UNC5D: variants seen among roughly 807,000 people sequenced by gnomAD.
The protein encoded by UNC5D is netrin receptor UNC5D.
UNC5D carries 39 observed loss-of-function variants against 105.4 expected under a neutral mutation model. The ratio of observed to expected loss-of-function variants is 0.37; its 90% confidence interval spans 0.29 to 0.48. UNC5D has a LOEUF of 0.48. Among genes scored for constraint, UNC5D ranks in the 20% least tolerant of loss-of-function variants. UNC5D has a pLI of 0.98. For synonymous variants in UNC5D, 452 were observed against 450.4 expected, an observed-to-expected ratio of 1.00 and a Z score of -0.04; for missense variants, 991 against 1,202.4, an observed-to-expected ratio of 0.82 and a Z score of 2.60.
chr8:35,521,316 A>G (rs1813456683), intron 1 of UNC5D, among the ~76,000 whole-genome samples: 1 of 152,172 alleles, frequency 6.6e-6, no homozygotes, highest in Admixed American at 6.6e-5. Flanking sequence ...CTGATACTCT[A>G]TGTAAATGAT....
At chr8:35,487,291 G>A (rs151015068) in intron 1 of UNC5D, among the ~76,000 whole-genome samples, 3 of 151,366 alleles carry the variant, frequency 2.0e-5, no homozygotes, top group African/African-American at 7.3e-5. Context: ...CTGTGAAGGT[G>A]TGGTTTTGGG....
At chr8:35,486,493 G>A (rs1339646151) in intron 1 of UNC5D, among the ~76,000 whole-genome samples, 2 of 152,082 alleles carry the variant, frequency 1.3e-5, no homozygotes, top group African/African-American at 4.8e-5. Flanking sequence ...CACTTAGGAG[G>A]ATTTGAACCT....
intron 3 of UNC5D, among the ~76,000 whole-genome samples, chr8:35,579,663 G>A (rs1285352926): frequency 1.3e-5 from 2 of 152,214 alleles, no homozygotes; most frequent in Non-Finnish European, 2.9e-5. Flanking sequence ...AAGCAACACA[G>A]TACTTGTAGT....
chr8:35,247,276 ATT>A (rs5890801), intron 1 of UNC5D, among the ~76,000 whole-genome samples: 143 of 146,214 alleles, frequency 9.8e-4, no homozygotes, highest in East Asian at 1.6e-3. Context: ...AATTACAGAG[ATT>A]TTTTTTTTTT....
At chr8:35,384,389 G>A (rs1348871747) in intron 1 of UNC5D, among the ~76,000 whole-genome samples, 1 of 152,266 alleles carries the variant, frequency 6.6e-6, no homozygotes, top group East Asian at 1.9e-4. Flanking sequence ...GCACTCACAT[G>A]TATGCATTCT....
At chr8:35,538,395 TTATATATATATA>T (rs10524805) in intron 1 of UNC5D, among the ~76,000 whole-genome samples, 934 of 82,410 alleles carry the variant, frequency 0.011, 14 homozygotes, top group Admixed American at 0.028. Flanking sequence ...AAAAAAATAA[TTATATATATATA>T]TATATATATA....
chr8:35,539,094 A>T (rs1035914164), intron 1 of UNC5D, among the ~76,000 whole-genome samples: 3 of 152,178 alleles, frequency 2.0e-5, no homozygotes, highest in Non-Finnish European at 4.4e-5. Context: ...AATTAGTTTT[A>T]TGAGGAGGTA....
chr8:35,315,546 A>T (rs2128881239), intron 1 of UNC5D, among the ~76,000 whole-genome samples: 1 of 152,284 alleles, frequency 6.6e-6, no homozygotes, highest in East Asian at 1.9e-4. Flanking sequence ...GACACATCTC[A>T]GTTCTCAATC....
intron 4 of UNC5D, among the ~76,000 whole-genome samples, chr8:35,607,574 G>A (rs751153369): frequency 2.6e-5 from 4 of 152,258 alleles, no homozygotes; most frequent in African/African-American, 7.2e-5. Context: ...ATGTGTCAAG[G>A]CAGAGACCAG....
At chr8:35,756,775 C>T (rs1309856244) in intron 13 of UNC5D, among the ~76,000 whole-genome samples, 1 of 152,066 alleles carries the variant, frequency 6.6e-6, no homozygotes, top group African/African-American at 2.4e-5. Flanking sequence ...CCCTTCAATA[C>T]AACGATTGTG....
At chr8:35,514,394 A>T (rs1812979386) in intron 1 of UNC5D, among the ~76,000 whole-genome samples, 1 of 152,200 alleles carries the variant, frequency 6.6e-6, no homozygotes, top group African/African-American at 2.4e-5. Context: ...ATTATCAGGA[A>T]TGCCAAGTGA....
At chr8:35,538,397 A>ATATATATATATATG (rs1654349836) in intron 1 of UNC5D, among the ~76,000 whole-genome samples, 16 of 47,012 alleles carry the variant, frequency 3.4e-4, no homozygotes, top group Admixed American at 6.4e-4. Flanking sequence ...AAAAATAATT[A>ATATATATATATATG]TATATATATA....
At chr8:35,321,134 C>A (rs953338770) in intron 1 of UNC5D, among the ~76,000 whole-genome samples, 4 of 152,110 alleles carry the variant, frequency 2.6e-5, no homozygotes, top group Admixed American at 6.6e-5. Flanking sequence ...GACTTTATAA[C>A]CCTTGGACCA....
chr8:35,730,463 C>T (rs2131571988), intron 10 of UNC5D, among the ~76,000 whole-genome samples: 1 of 152,260 alleles, frequency 6.6e-6, no homozygotes, highest in Admixed American at 6.5e-5. Flanking sequence ...CTCCTAAGTA[C>T]ATCAGATGCT....
chr8:35,386,800 T>C (rs1803426514), intron 1 of UNC5D, among the ~76,000 whole-genome samples: 1 of 152,204 alleles, frequency 6.6e-6, no homozygotes, highest in South Asian at 2.1e-4. Flanking sequence ...AAGGGACAAT[T>C]TGAGCTTACC....
At chr8:35,512,366 T>G (rs982110718) in intron 1 of UNC5D, among the ~76,000 whole-genome samples, 4 of 148,026 alleles carry the variant, frequency 2.7e-5, no homozygotes, top group African/African-American at 1.0e-4. Context: ...TACAAGACAT[T>G]ATAAAATTAG....
rs536060943 is a variant in UNC5D at position 35,638,757 on chromosome 8, G to A, written c.570+43100G>A. Reference sequence around the variant, plus strand: ...GGAGGTGATAGTGAGCCGTGATCCTGCCACTGCACTCCAGCCTGGGTGATA... The same window carrying A: ...GGAGGTGATAGTGAGCCGTGATCCTACCACTGCACTCCAGCCTGGGTGATA... On this transcript the variant is annotated intron_variant, in intron 4 of 16. Coordinates refer to ENST00000404895, the MANE Select transcript of UNC5D (RefSeq NM_080872.4). 1.4e-4 allele frequency among the ~76,000 whole-genome samples: 22 copies of A among 152,156 alleles called. No individual in the cohort carries two copies. In the East Asian group the frequency reaches 3.7e-3, roughly 25 times the overall value.
chr8:35,622,114 C>T lies in UNC5D; in HGVS notation c.570+26457C>T, dbSNP rs189301930. 1.1e-4 allele frequency among the ~76,000 whole-genome samples: 16 copies of T among 152,144 alleles called. No homozygotes were observed. The South Asian group carries it at 1.5e-3, about 14-fold the overall frequency. The stretch of plus-strand genomic sequence containing the variant: ...ATCCCAGCACTTTGGGAGGCCAAGG[C>T]GGGTAGATCATGAAGTCAAGAGATC... On this transcript the variant is annotated intron_variant, in intron 4 of 16. Coordinates refer to ENST00000404895, the MANE Select transcript of UNC5D (RefSeq NM_080872.4).
At chr8:35,340,513 G>A (rs1811384080) in intron 1 of UNC5D, among the ~76,000 whole-genome samples, 2 of 152,132 alleles carry the variant, frequency 1.3e-5, no homozygotes, top group Admixed American at 1.3e-4. Context: ...TGAAAACATT[G>A]GAGAAAGTAT....
Sources: allele counts gnomAD v4.1 joint callset (sites outside exome capture counted in the v4.1 genomes callset), GRCh38; gene constraint gnomAD v4.1.1; transcripts MANE v1.5; gene names NCBI Gene and HGNC (gene_info 2026-07-23, HGNC 2026-07-21).